NOTCH1: variants seen among roughly 807,000 people sequenced by gnomAD.
NOTCH1 encodes the protein notch receptor 1, also known as neurogenic locus notch homolog protein 1.
In NOTCH1, 37 loss-of-function variants were observed where a neutral mutation model predicts 254.8. The observed-to-expected ratio is 0.15, with a 90% CI of 0.11 to 0.19. The LOEUF (loss-of-function observed/expected upper bound fraction) is 0.19. Ranked by LOEUF, NOTCH1 falls within the 10% of genes least tolerant of loss-of-function variation. NOTCH1 has a pLI of 1.00. For synonymous variants in NOTCH1, 1,731 were observed against 1,618.1 expected (o/e 1.07, Z -1.68); for missense variants, 2,972 against 3,708.6 (o/e 0.80, Z 5.16).
At chr9:136,518,544 T>A in intron 6 of NOTCH1, 47 bp downstream of exon 6, 1 of 1,539,852 alleles carries the variant, frequency 6.5e-7, no homozygotes, top group Non-Finnish European at 8.9e-7. Flanking sequence ...AGCTCAGGCC[T>A]GGCCCATGTG....
chr9:136,509,021 C>A lies in NOTCH1; in HGVS notation c.3020G>T (p.Cys1007Phe). 6.4e-7 allele frequency: 1 copy of A among 1,563,452 alleles called. No individual in the cohort carries two copies. The highest frequency in any genetic ancestry group is 8.7e-7 in the Non-Finnish European group (1 of 1,154,768). ...TCVDGINSFT[C>F]LCPPGFTGSY... ...GCCCGTGAAGCCGGGTGGACACAGG[C>A]AGGTGAACGAGTTGATGCCGTCCAC... The change falls in exon 19 of 34, where the codon TGC becomes TTC. Residue 1007 changes from cysteine to phenylalanine, a missense_variant. Cys to Phe is a radical substitution (Grantham distance 205). Around this residue, in one of 8 missense-constraint regions of NOTCH1, gnomAD observed 1,343 missense variants for 1,557.0 expected, o/e 0.86. Coordinates refer to ENST00000651671, the MANE Select transcript of NOTCH1 (RefSeq NM_017617.5).
chr9:136,494,731 C>T lies in NOTCH1; in HGVS notation c.*1340G>A, dbSNP rs1483767842. ...GCGGCTAAGGCTCCCCGAGCTGAGCCAAGTCTGACGTCCCTCACTGGCATG... is the reference window on the plus strand; with the variant it reads ...GCGGCTAAGGCTCCCCGAGCTGAGCTAAGTCTGACGTCCCTCACTGGCATG... On this transcript the variant is annotated 3_prime_UTR_variant, in exon 34 of 34. Transcript: ENST00000651671. 1 of 398,662 alleles carries T rather than the reference C, an allele frequency of 2.5e-6. No individual in the cohort carries two copies. The highest frequency in any genetic ancestry group is 4.4e-6 in the Non-Finnish European group (1 of 226,000). The allele number at this position is 398,662 out of a possible 1,614,324, so 24.7% of individuals were successfully genotyped here. A position where few individuals can be genotyped will look rare whatever the true frequency, so the allele number is the denominator to read the frequency against.
At chr9:136,527,522 A>C (rs1010717240) in intron 2 of NOTCH1, among the ~76,000 whole-genome samples, 2 of 152,200 alleles carry the variant, frequency 1.3e-5, no homozygotes, top group Non-Finnish European at 2.9e-5. Context: ...CCGTCCCCGC[A>C]TCTCCTCCTA....
At position 136,514,559 on chromosome 9, in the gene NOTCH1, A is replaced by G. The variant is rs1843231968; in HGVS notation, c.2158T>C (p.Cys720Arg). 6.2e-7 allele frequency: 1 copy of G among 1,606,380 alleles called. No homozygotes were observed. The highest frequency in any genetic ancestry group is 8.5e-7 in the Non-Finnish European group (1 of 1,177,418). ...DPTCLSEVNECNSNPCVHGAC... is the reference protein window; with the variant it reads ...DPTCLSEVNERNSNPCVHGAC... The stretch of plus-strand genomic sequence containing the variant: ...CCGTGGACGCAGGGGTTGCTGTTGC[A>G]CTCATTGACCTCAGACAGGCAGGTG... Residue 720 changes from cysteine (C) to arginine (R), a missense_variant, in exon 13 of 34, where the codon TGC becomes CGC. Around this residue, in one of 8 missense-constraint regions of NOTCH1, gnomAD observed 1,343 missense variants for 1,557.0 expected, o/e 0.86. Coordinates refer to ENST00000651671, the MANE Select transcript of NOTCH1 (RefSeq NM_017617.5).
Position 136,514,632 on chromosome 9 carries a change from G to A in NOTCH1, c.2085C>T (p.Asp695=), listed in dbSNP as rs200573958. ...NPCHNGGTCE[D]GINGFTCRCP... ...AGCGGCAGGTGAAGCCATTGATGCC[G>A]TCCTCGCAGGTGCCCCCGTTGTGGC... Residue 695 remains aspartate, a synonymous_variant, in exon 13 of 34, where the codon GAC becomes GAT. Transcript: ENST00000651671. The A allele has an allele frequency of 4.5e-5, 72 of 1,611,780 alleles. No homozygotes were observed. In the African/African-American group the frequency reaches 5.6e-4, roughly 13 times the overall value.
chr9:136,522,620 G>A (rs1589071662), intron 4 of NOTCH1: 2 of 534,832 alleles, frequency 3.7e-6, no homozygotes, highest in East Asian at 6.3e-5. Flanking sequence ...GGAAACTCCA[G>A]AGACACGGGC....
chr9:136,534,610 G>C (rs2133393258), intron 2 of NOTCH1, among the ~76,000 whole-genome samples: 1 of 152,254 alleles, frequency 6.6e-6, no homozygotes, highest in African/African-American at 2.4e-5. Flanking sequence ...AGTGTTCTGT[G>C]GCCATTGGTC....
In NOTCH1 at chr9:136,497,124, T is replaced by C; in HGVS notation, c.6615A>G (p.Ser2205=). 6.2e-7 allele frequency: 1 copy of C among 1,612,234 alleles called. No homozygotes were observed. Among genetic ancestry groups the C allele is most frequent in the Non-Finnish European group, 8.5e-7 (1 of 1,179,678 alleles). ...GMLSPVDSLE[S]PHGYLSDVAS... ...CCACGTCTGACAGGTAGCCATGGGGTGACTCCAGGGAGTCCACGGGCGAGA... is the reference window on the plus strand; with the variant it reads ...CCACGTCTGACAGGTAGCCATGGGGCGACTCCAGGGAGTCCACGGGCGAGA... The change falls in exon 34 of 34, where the codon TCA becomes TCG. Residue 2205 remains serine, a synonymous_variant. Transcript: ENST00000651671.
At position 136,499,137 on chromosome 9, in the gene NOTCH1, G is replaced by A. The variant is rs758702512; in HGVS notation, c.6057C>T (p.Ala2019=). Residue 2019 remains alanine, a synonymous_variant, in exon 32 of 34, where the codon GCC becomes GCT. Transcript: ENST00000651671. The stretch of plus-strand genomic sequence containing the variant: ...CCAGGTCATCTACGGCGTTGACGTC[G>A]GCGTGTGAGTTGATGAGGTCCTCCA... ...GMLEDLINSH[A]DVNAVDDLGK... 68 of 1,613,120 alleles carry A rather than the reference G, an allele frequency of 4.2e-5. No individual in the cohort carries two copies. Among genetic ancestry groups the A allele is most frequent in the African/African-American group, 3.1e-4 (23 of 74,944 alleles).
At chr9:136,530,760 A>C (rs1843546688) in intron 2 of NOTCH1, among the ~76,000 whole-genome samples, 1 of 152,214 alleles carries the variant, frequency 6.6e-6, no homozygotes, top group Non-Finnish European at 1.5e-5. Flanking sequence ...GGAGAGGCCA[A>C]GATGGTCATG....
rs1842926284 is a variant in NOTCH1 at position 136,496,963 on chromosome 9, C to T, written c.6776G>A (p.Gly2259Asp). The T allele has an allele frequency of 6.2e-7, 1 of 1,610,814 alleles. No individual in the cohort carries two copies. Among genetic ancestry groups the T allele is most frequent in the Non-Finnish European group, 8.5e-7 (1 of 1,179,250 alleles). ...CTCAAAGGCCAGCCGGCCGCCCCCACCCAGCGCCGCCATCTCGGGCTTGGC... is the reference window on the plus strand; with the variant it reads ...CTCAAAGGCCAGCCGGCCGCCCCCATCCAGCGCCGCCATCTCGGGCTTGGC... The part of the protein sequence containing the change: ...VAAKPEMAAL[G>D]GGGRLAFETG... The change falls in exon 34 of 34, where the codon GGT becomes GAT. Residue 2259 changes from glycine to aspartate, a missense_variant. By Grantham distance (94) the Gly-to-Asp change is moderately conservative. Coordinates refer to ENST00000651671, the MANE Select transcript of NOTCH1 (RefSeq NM_017617.5).
rs1589052005 is a variant in NOTCH1 at position 136,495,562 on chromosome 9, C to T, written c.*509G>A. The T allele has an allele frequency of 2.5e-6, 1 of 400,156 alleles. No individual in the cohort carries two copies. The highest frequency in any genetic ancestry group is 3.5e-5 in the East Asian group (1 of 28,230). The allele number at this position is 400,156 out of a possible 1,614,324, so 24.8% of individuals were successfully genotyped here. On this transcript the variant is annotated 3_prime_UTR_variant, in exon 34 of 34. Coordinates refer to ENST00000651671, the MANE Select transcript of NOTCH1 (RefSeq NM_017617.5). The stretch of plus-strand genomic sequence containing the variant: ...TCTGGATGCAGCTTCTCCTAACAGG[C>T]AGGTGATGCTGGTGGAGCGGCCGGG...
At chr9:136,528,614 G>A (rs1020669005) in intron 2 of NOTCH1, among the ~76,000 whole-genome samples, 4 of 151,314 alleles carry the variant, frequency 2.6e-5, no homozygotes, top group East Asian at 3.9e-4. Context: ...CTTCCCAGAG[G>A]GGAAGGAACG....
chr9:136,512,624 G>C (rs994437445), intron 15 of NOTCH1, among the ~76,000 whole-genome samples: 6 of 152,194 alleles, frequency 3.9e-5, no homozygotes, highest in Non-Finnish European at 5.9e-5. Flanking sequence ...ACCCCAGCAG[G>C]GTGGGCGCCG....
rs183156491 is a variant in NOTCH1 at position 136,505,868 on chromosome 9, G to A, written c.4028C>T (p.Ala1343Val). 4,050 of 1,591,614 alleles carry A rather than the reference G, an allele frequency of 2.5e-3. 10 individuals are homozygous for A. Among genetic ancestry groups the A allele is most frequent in the Non-Finnish European group, 3.2e-3 (3,744 of 1,177,078 alleles). ...ICKCPAGFEG[A>V]TCENDARTCG... ...GGTACGAGCGTCATTCTCACACGTGGCGCCCTCGAAGCCCTGCCCGAGAGG... is the reference window on the plus strand; with the variant it reads ...GGTACGAGCGTCATTCTCACACGTGACGCCCTCGAAGCCCTGCCCGAGAGG... The change falls in exon 25 of 34, where the codon GCC (alanine) becomes GTC (valine). Residue 1343 changes from alanine (A) to valine (V), a missense_variant. Coordinates refer to ENST00000651671, the MANE Select transcript of NOTCH1 (RefSeq NM_017617.5).
chr9:136,510,952 G>A lies in NOTCH1; in HGVS notation c.2588-147C>T, dbSNP rs1843172281. The A allele has an allele frequency of 6.3e-5, 87 of 1,377,586 alleles. 2 individuals are homozygous for A. In the South Asian group the frequency reaches 1.0e-3, roughly 16 times the overall value. 85.3% of individuals were successfully genotyped at this position (1,377,586 alleles called of 1,614,324 possible). A position where few individuals can be genotyped will look rare whatever the true frequency, so the allele number is the denominator to read the frequency against. The stretch of plus-strand genomic sequence containing the variant: ...GACCATCCCCTCTCCCCTAATTTTG[G>A]CCTAAGAAGGTCACAGGAACTGGAG... On this transcript the variant is annotated intron_variant, in intron 16 of 33. Coordinates refer to ENST00000651671, the MANE Select transcript of NOTCH1 (RefSeq NM_017617.5).
intron 15 of NOTCH1, among the ~76,000 whole-genome samples, chr9:136,511,532 G>A (rs1843181941): frequency 6.6e-6 from 1 of 152,198 alleles, no homozygotes; most frequent in Admixed American, 6.5e-5. Flanking sequence ...GGTTGGCAGC[G>A]GGGCACAGCC....
intron 3 of NOTCH1, 49 bp downstream of exon 3, chr9:136,523,668 G>A: frequency 1.3e-6 from 2 of 1,561,168 alleles, no homozygotes; most frequent in Non-Finnish European, 1.7e-6. Context: ...TGGGCAGCTG[G>A]CGGCGGGCCT....
chr9:136,495,379 T>G lies in NOTCH1; in HGVS notation c.*692A>C. ...ATGATTGGTACCATGGGTGCACTCT[T>G]GGCATACACACTCCGAGAACACATT... On this transcript the variant is annotated 3_prime_UTR_variant, in exon 34 of 34. Coordinates refer to ENST00000651671, the MANE Select transcript of NOTCH1 (RefSeq NM_017617.5). 2.5e-6 allele frequency: 1 copy of G among 398,952 alleles called. No homozygotes were observed. Among genetic ancestry groups the G allele is most frequent in the Non-Finnish European group, 4.4e-6 (1 of 226,158 alleles). 24.7% of individuals were successfully genotyped at this position (398,952 alleles called of 1,614,324 possible).
Sources: gnomAD v4.1 joint callset for allele counts (sites outside exome capture counted in the v4.1 genomes callset) on GRCh38, gnomAD v4.1.1 for gene constraint, gnomAD v4.1.1 regional missense constraint, MANE v1.5 for transcripts, NCBI Gene and HGNC (gene_info 2026-07-23, HGNC 2026-07-21) for gene names.